DAO: variants seen among roughly 807,000 people sequenced by gnomAD.
The protein encoded by DAO is D-amino acid oxidase, also known as D-amino-acid oxidase.
A neutral mutation model predicts 50.1 loss-of-function variants in DAO; 51 were observed. That is an observed-to-expected ratio of 1.02 (90% CI 0.81 to 1.29). The LOEUF (loss-of-function observed/expected upper bound fraction) is 1.29. Ranked by LOEUF, DAO falls within the 50% of genes most tolerant of loss-of-function variation. The probability of loss-of-function intolerance (pLI) is 0.00; values close to 1 mark genes in which losing one functional copy is unlikely to be tolerated. For missense variants in DAO, 436 were observed against 439.4 expected (o/e 0.99, Z 0.07); for synonymous variants, 160 against 166.2 (o/e 0.96, Z 0.29).
Position 108,880,231 on chromosome 12 carries a change from G to T in DAO, c.-10+7G>T, listed in dbSNP as rs1016838041. ...CAGCAGTTTGGTACTTCCGGTGAGT[G>T]GCAGATGCACCTTTGAGCTGGGGAC... is the stretch of plus-strand genomic sequence containing the variant. On this transcript the variant is annotated splice_region_variant and intron_variant, in intron 1 of 10. Coordinates refer to ENST00000228476, the MANE Select transcript of DAO (RefSeq NM_001917.5). 1.4e-5 allele frequency: 6 copies of T among 430,156 alleles called. No homozygotes were observed. Among genetic ancestry groups the T allele is most frequent in the Admixed American group, 7.4e-5 (3 of 40,816 alleles). 26.6% of individuals were successfully genotyped at this position (430,156 alleles called of 1,614,324 possible).
At chr12:108,893,919 A>C (rs1321860687) in intron 6 of DAO, among the ~76,000 whole-genome samples, 3 of 152,126 alleles carry the variant, frequency 2.0e-5, no homozygotes, top group South Asian at 2.1e-4. Flanking sequence ...TTCTTTTGGG[A>C]GGTTCCAGGA....
chr12:108,900,491 C>G lies in DAO; in HGVS notation c.1000C>G (p.Leu334Val). The G allele has an allele frequency of 6.2e-7, 1 of 1,614,164 alleles. No individual in the cohort carries two copies. Among genetic ancestry groups the G allele is most frequent in the Non-Finnish European group, 8.5e-7 (1 of 1,180,018 alleles). ...LEAAKLFGRI[L>V]EEKKLSRMPP... The stretch of plus-strand genomic sequence containing the variant: ...GGCAGCCAAGCTCTTTGGGAGAATC[C>G]TGGAAGAAAAGAAATTGTCCAGAAT... The change falls in exon 11 of 11, where the codon CTG becomes GTG. Residue 334 changes from leucine to valine, a missense_variant. Leu to Val is a conservative substitution (Grantham distance 32). Transcript: ENST00000228476.
intron 8 of DAO, among the ~76,000 whole-genome samples, chr12:108,897,946 C>CG (rs1228002219): frequency 3.9e-5 from 5 of 129,110 alleles, no homozygotes; most frequent in Admixed American, 1.5e-4. Context: ...GACCCCATCT[C>CG]AAAAAAAAAA....
intron 10 of DAO, chr12:108,899,717 C>T: frequency 3.6e-6 from 2 of 550,588 alleles, no homozygotes; most frequent in Non-Finnish European, 6.6e-6. Flanking sequence ...CTGATGAGAT[C>T]AATGTTGATA....
chr12:108,896,985 T>C (rs1282156735), intron 7 of DAO, 21 bp from the exon 8 acceptor site: 2 of 1,602,340 alleles, frequency 1.2e-6, no homozygotes, highest in Admixed American at 3.3e-5. Flanking sequence ...CTGATGAGAC[T>C]TTCCTGCCCT....
rs368892733 is a variant in DAO at position 108,894,252 on chromosome 12, G to A, written c.508-11G>A. On this transcript the variant is annotated splice_polypyrimidine_tract_variant and intron_variant, in intron 6 of 10. Transcript: ENST00000228476. The stretch of plus-strand genomic sequence containing the variant: ...CCTTTCATCCCCCACTACCCTGTTG[G>A]TTGCTACCAGGTGGCAAGAGAAGGC... The A allele has an allele frequency of 1.9e-6, 3 of 1,610,710 alleles. No individual in the cohort carries two copies. The highest frequency in any genetic ancestry group is 2.5e-6 in the Non-Finnish European group (3 of 1,177,562).
intron 2 of DAO, 46 bp from the exon 3 acceptor site, chr12:108,887,404 C>A: frequency 6.9e-7 from 1 of 1,457,556 alleles, no homozygotes; most frequent in Non-Finnish European, 9.6e-7. Context: ...AGGTTTTTTG[C>A]CCAGCTCAGG....
At chr12:108,881,162 T>TCTCACACACA (rs1555244702) in intron 1 of DAO, among the ~76,000 whole-genome samples, 1 of 139,230 alleles carries the variant, frequency 7.2e-6, no homozygotes, top group African/African-American at 2.8e-5. Flanking sequence ...GACATTCTAA[T>TCTCACACACA]CACACACACA....
intron 5 of DAO, among the ~76,000 whole-genome samples, chr12:108,891,441 C>G (rs372104935): frequency 6.0e-5 from 8 of 133,500 alleles, no homozygotes; most frequent in Admixed American, 8.5e-5. Flanking sequence ...CAGGGCGAGA[C>G]CCTGTCTCAA....
At chr12:108,886,655 A>G (rs964954000) in intron 2 of DAO, among the ~76,000 whole-genome samples, 2 of 152,096 alleles carry the variant, frequency 1.3e-5, no homozygotes, top group Admixed American at 6.6e-5. Context: ...TTGTAGAGCC[A>G]GGGTCTTCCT....
At chr12:108,889,976 A>G (rs1334960207) in intron 4 of DAO, among the ~76,000 whole-genome samples, 4 of 151,986 alleles carry the variant, frequency 2.6e-5, no homozygotes, top group Admixed American at 2.6e-4. Flanking sequence ...CCCTCTACGA[A>G]TGCACATTCA....
chr12:108,881,525 T>G (rs542766244), intron 1 of DAO, among the ~76,000 whole-genome samples: 3 of 150,562 alleles, frequency 2.0e-5, no homozygotes, highest in African/African-American at 7.4e-5. Flanking sequence ...CTATAATCAG[T>G]GTCAACTTTG....
In DAO at chr12:108,900,483, G is replaced by A. The variant is rs4262766; in HGVS notation, c.992G>A (p.Gly331Glu). 1.7e-4 allele frequency: 270 copies of A among 1,614,160 alleles called. No homozygotes were observed. The highest frequency in any genetic ancestry group is 6.3e-4 in the Admixed American group (38 of 60,022). ...GCALEAAKLF[G>E]RILEEKKLSR... ...GCCCTGGAGGCAGCCAAGCTCTTTG[G>A]GAGAATCCTGGAAGAAAAGAAATTG... The change falls in exon 11 of 11, where the codon GGG becomes GAG. Residue 331 changes from glycine to glutamate, a missense_variant. By Grantham distance (98) the Gly-to-Glu change is moderately conservative. Transcript: ENST00000228476.
At position 108,900,578 on chromosome 12, in the gene DAO, T is replaced by G; in HGVS notation, c.*43T>G. On this transcript the variant is annotated 3_prime_UTR_variant, in exon 11 of 11. Coordinates refer to ENST00000228476, the MANE Select transcript of DAO (RefSeq NM_001917.5). ...GCCTCCCCCCACAAGAACTCCCTTC[T>G]CCCCTCAGCCAATGAATCAATGTGC... The G allele has an allele frequency of 1.9e-6, 3 of 1,610,692 alleles. No individual in the cohort carries two copies. Among genetic ancestry groups the G allele is most frequent in the Non-Finnish European group, 2.5e-6 (3 of 1,178,234 alleles).
In DAO at chr12:108,889,443, G is replaced by A. The variant is rs2039466326; in HGVS notation, c.310-26G>A. On this transcript the variant is annotated intron_variant, in intron 3 of 10. Coordinates refer to ENST00000228476, the MANE Select transcript of DAO (RefSeq NM_001917.5). ...TTATTATTGACTTCCATCCCACCCA[G>A]TGCCCCCTTTGTCCTTCCTCTTCAG... The A allele has an allele frequency of 5.8e-6, 9 of 1,560,876 alleles. No homozygotes were observed. The East Asian group carries it at 9.0e-5, about 16-fold the overall frequency.
At chr12:108,898,546 T>C in intron 8 of DAO, 133 bp from the exon 9 acceptor site, 2 of 766,392 alleles carry the variant, frequency 2.6e-6, no homozygotes, top group Non-Finnish European at 4.9e-6. Flanking sequence ...TTGGTGTTGA[T>C]GGTGATGACA....
chr12:108,896,633 G>A (rs1229470850), intron 7 of DAO, among the ~76,000 whole-genome samples: 1 of 152,000 alleles, frequency 6.6e-6, no homozygotes, highest in Non-Finnish European at 1.5e-5. Flanking sequence ...CCTTCCCCCC[G>A]CAGCTGTGAA....
intron 3 of DAO, among the ~76,000 whole-genome samples, chr12:108,888,613 C>T (rs1308827417): frequency 1.3e-5 from 2 of 152,112 alleles, no homozygotes; most frequent in African/African-American, 2.4e-5. Context: ...GGATTACAGG[C>T]GTGAACCACT....
At chr12:108,896,445 G>GAAAAAAAAAAAAAAA (rs2039558419) in intron 7 of DAO, among the ~76,000 whole-genome samples, 1 of 123,322 alleles carries the variant, frequency 8.1e-6, no homozygotes, top group African/African-American at 3.3e-5. Flanking sequence ...AAAAAAAATT[G>GAAAAAAAAAAAAAAA]AAGGTTTGAA....
Sources: gnomAD v4.1 joint callset for allele counts (sites outside exome capture counted in the v4.1 genomes callset) on GRCh38, gnomAD v4.1.1 for gene constraint, MANE v1.5 for transcripts, NCBI Gene and HGNC (gene_info 2026-07-23, HGNC 2026-07-21) for gene names.